The following AKT3 variants were observed in gnomAD, a reference collection of about 807,000 sequenced individuals.
The protein encoded by AKT3 is AKT serine/threonine kinase 3.
A neutral mutation model predicts 65.3 loss-of-function variants in AKT3; 15 were observed. The observed-to-expected ratio is 0.23, with a 90% CI of 0.15 to 0.35. The LOEUF (loss-of-function observed/expected upper bound fraction) is 0.35. AKT3 is among the 10% of genes least tolerant of loss of function. The pLI is 1.00. For synonymous variants in AKT3, 206 were observed against 183.8 expected, an observed-to-expected ratio of 1.12 and a Z score of -0.98; for missense variants, 243 against 576.5, an observed-to-expected ratio of 0.42 and a Z score of 5.92.
chr1:243,635,865 A>G (rs1267730071), intron 6 of AKT3, among the ~76,000 whole-genome samples: 1 of 152,072 alleles, frequency 6.6e-6, no homozygotes, highest in African/African-American at 2.4e-5. Context: ...GTCACACTCC[A>G]AATCTTCATA....
chr1:243,526,384 G>C (rs952502648), intron 12 of AKT3, among the ~76,000 whole-genome samples: 1 of 152,148 alleles, frequency 6.6e-6, no homozygotes, highest in African/African-American at 2.4e-5. Context: ...CAGGATGCAG[G>C]AGGAGGTGGA....
At chr1:243,488,944 C>T in intron 13 of AKT3, 3 of 1,608,114 alleles carry the variant, frequency 1.9e-6, no homozygotes, top group South Asian at 1.1e-5. Context: ...CCCTCAGATA[C>T]ACACAGCCCC....
At chr1:243,584,410 A>G (rs1675642476) in intron 8 of AKT3, among the ~76,000 whole-genome samples, 1 of 152,110 alleles carries the variant, frequency 6.6e-6, no homozygotes, top group African/African-American at 2.4e-5. Flanking sequence ...TATAAATTCT[A>G]CTGAAACTAT....
intron 7 of AKT3, 48 bp from the exon 8 acceptor site, chr1:243,613,787 T>C: frequency 8.5e-7 from 1 of 1,175,820 alleles, no homozygotes; most frequent in Non-Finnish European, 1.2e-6. Flanking sequence ...CCTGTATTCT[T>C]ATAATTATAA....
chr1:243,526,486 T>A (rs1407796831), intron 12 of AKT3, among the ~76,000 whole-genome samples: 3 of 152,034 alleles, frequency 2.0e-5, no homozygotes, highest in Non-Finnish European at 4.4e-5. Flanking sequence ...GTCACGTCTA[T>A]CCTCCAAATC....
chr1:243,809,241 T>G (rs1479541316), intron 2 of AKT3, among the ~76,000 whole-genome samples: 10 of 152,156 alleles, frequency 6.6e-5, no homozygotes, highest in African/African-American at 2.4e-4. Context: ...ACTGGCAAAT[T>G]GGATAAACAG....
At chr1:243,651,952 G>A (rs986206424) in intron 4 of AKT3, among the ~76,000 whole-genome samples, 4 of 152,066 alleles carry the variant, frequency 2.6e-5, no homozygotes, top group African/African-American at 4.8e-5. Context: ...CCCACAAAGG[G>A]AAGCTCATCA....
chr1:243,683,814 T>C (rs1684088739), intron 3 of AKT3, among the ~76,000 whole-genome samples: 1 of 152,178 alleles, frequency 6.6e-6, no homozygotes, highest in Non-Finnish European at 1.5e-5. Context: ...CATTGCATCC[T>C]CCACCTCTCA....
chr1:243,709,494 A>C (rs989970980), intron 2 of AKT3, among the ~76,000 whole-genome samples: 1 of 151,948 alleles, frequency 6.6e-6, no homozygotes, highest in South Asian at 2.1e-4. Flanking sequence ...CCACTCAGGA[A>C]CTATGCCATT....
chr1:243,539,240 C>T (rs1444937237), intron 12 of AKT3, among the ~76,000 whole-genome samples: 1 of 152,154 alleles, frequency 6.6e-6, no homozygotes, highest in Non-Finnish European at 1.5e-5. Context: ...CCTCAGCCTA[C>T]TTAACATGAA....
chr1:243,618,427 C>T (rs532945141), intron 6 of AKT3, among the ~76,000 whole-genome samples: 2 of 152,194 alleles, frequency 1.3e-5, no homozygotes, highest in African/African-American at 4.8e-5. Flanking sequence ...AAAAAGTAAA[C>T]ACAGATGCTA....
upstream of AKT3, among the ~76,000 whole-genome samples, chr1:243,850,480 C>T (rs955673187): frequency 3.3e-5 from 5 of 151,378 alleles, no homozygotes; most frequent in African/African-American, 1.2e-4. Context: ...CGGGGCGCGC[C>T]CGGCGCGGGG....
chr1:243,813,401 G>A (rs1233625524), intron 2 of AKT3, among the ~76,000 whole-genome samples: 1 of 151,804 alleles, frequency 6.6e-6, no homozygotes, highest in Non-Finnish European at 1.5e-5. Flanking sequence ...TTGCTTGGGT[G>A]ATGGGTGTAC....
chr1:243,646,490 G>T (rs1680828128), intron 4 of AKT3, among the ~76,000 whole-genome samples: 1 of 152,018 alleles, frequency 6.6e-6, no homozygotes, highest in Non-Finnish European at 1.5e-5. Context: ...GAGTAGCCGG[G>T]ATTACAGGCG....
intron 8 of AKT3, among the ~76,000 whole-genome samples, chr1:243,587,529 T>G (rs999953909): frequency 1.3e-5 from 2 of 152,144 alleles, no homozygotes; most frequent in African/African-American, 4.8e-5. Flanking sequence ...AAGAATTGGT[T>G]GAACCCGGGA....
At position 243,572,900 on chromosome 1, in the gene AKT3, T is replaced by C. The variant is rs1346469921; in HGVS notation, c.819+26A>G. ...CCCTATAGTCTCTGCAAAAACAAAT[T>C]TTGATTACTTTTTTTTTTTTTTTAC... On this transcript the variant is annotated intron_variant, in intron 9 of 13. Transcript: ENST00000673466. 2.5e-6 allele frequency: 4 copies of C among 1,587,410 alleles called. No individual in the cohort carries two copies. The African/African-American group carries it at 5.6e-5, about 22-fold the overall frequency.
chr1:243,775,995 T>C (rs1243099976), intron 2 of AKT3, among the ~76,000 whole-genome samples: 1 of 152,212 alleles, frequency 6.6e-6, no homozygotes, highest in Non-Finnish European at 1.5e-5. Context: ...ATTTACAGCA[T>C]ACTGAGGATT....
At chr1:243,494,469 C>T (rs1170599770) in intron 13 of AKT3, among the ~76,000 whole-genome samples, 1 of 152,070 alleles carries the variant, frequency 6.6e-6, no homozygotes, top group Non-Finnish European at 1.5e-5. Context: ...GACACAAGAC[C>T]CTGGGTGCTG....
intron 12 of AKT3, among the ~76,000 whole-genome samples, chr1:243,517,124 T>C (rs959042124): frequency 2.6e-4 from 40 of 151,852 alleles, no homozygotes; most frequent in African/African-American, 7.2e-4. Flanking sequence ...TTCCAAGAAC[T>C]TGGGGATTTT....
Sources: gnomAD v4.1 joint callset for allele counts (sites outside exome capture counted in the v4.1 genomes callset) on GRCh38, gnomAD v4.1.1 for gene constraint, MANE v1.5 for transcripts, NCBI Gene and HGNC (gene_info 2026-07-23, HGNC 2026-07-21) for gene names.